The following CLVS1 variants were observed in gnomAD, a reference collection of about 807,000 sequenced individuals.
The protein encoded by CLVS1 is clavesin-1.
Under a neutral mutation model 33.1 loss-of-function variants are expected in CLVS1, and 10 were observed. The observed-to-expected ratio is 0.30, with a 90% CI of 0.19 to 0.51. The LOEUF (loss-of-function observed/expected upper bound fraction) is 0.51, where lower values mean the gene tolerates loss of function less well. Among genes scored for constraint, CLVS1 ranks in the 20% least tolerant of loss-of-function variants. CLVS1 has a pLI of 0.97. For missense variants in CLVS1, 343 were observed against 433.4 expected (o/e 0.79, Z 1.85); for synonymous variants, 163 against 166.1 (o/e 0.98, Z 0.14).
Position 61,431,401 on chromosome 8 carries a change from C to G in CLVS1, c.631-22740C>G, listed in dbSNP as rs1041058785. On this transcript the variant is annotated intron_variant, in intron 3 of 5. Transcript: ENST00000325897. ...TGTATGAAGTGTTTAACCTGGAATT[C>G]TTTTTTGTATGTGGAAACCCTTCAG... 2.0e-4 allele frequency among the ~76,000 whole-genome samples: 30 copies of G among 152,190 alleles called. 1 individual carries two copies.
intron 2 of CLVS1, among the ~76,000 whole-genome samples, chr8:61,277,567 T>A (rs1051261222): frequency 6.6e-6 from 1 of 152,166 alleles, no homozygotes; most frequent in African/African-American, 2.4e-5. Flanking sequence ...CTCCCATAAA[T>A]GTTAAAGCTA....
chr8:61,067,281 T>C (rs1804700266), intron 1 of CLVS1, among the ~76,000 whole-genome samples: 1 of 152,024 alleles, frequency 6.6e-6, no homozygotes, highest in Admixed American at 6.6e-5. Flanking sequence ...CTCTTCAGTC[T>C]CTGACGTAGT....
chr8:61,240,567 A>AAATTT (rs1808677171), intron 2 of CLVS1, among the ~76,000 whole-genome samples: 1 of 152,212 alleles, frequency 6.6e-6, no homozygotes, highest in Non-Finnish European at 1.5e-5. Flanking sequence ...AGTAAAGGCA[A>AAATTT]GATCTTTGTC....
chr8:61,280,235 T>C (rs778854368), intron 2 of CLVS1, among the ~76,000 whole-genome samples: 1 of 152,240 alleles, frequency 6.6e-6, no homozygotes, highest in Non-Finnish European at 1.5e-5. Context: ...TGATGAGTTA[T>C]TTTATCATAA....
intron 2 of CLVS1, among the ~76,000 whole-genome samples, chr8:61,361,703 C>T (rs1389912347): frequency 6.6e-6 from 1 of 152,154 alleles, no homozygotes; most frequent in African/African-American, 2.4e-5. Flanking sequence ...GTTTCTATCC[C>T]TACTTTCAGG....
At chr8:61,087,580 G>C (rs1805150233) in intron 1 of CLVS1, among the ~76,000 whole-genome samples, 1 of 152,142 alleles carries the variant, frequency 6.6e-6, no homozygotes, top group African/African-American at 2.4e-5. Flanking sequence ...TGACGTGCCT[G>C]GTGGGAGGAA....
intron 2 of CLVS1, among the ~76,000 whole-genome samples, chr8:61,208,664 C>G (rs1290239545): frequency 3.2e-5 from 3 of 92,964 alleles, no homozygotes; most frequent in Non-Finnish European, 5.4e-5. Flanking sequence ...TCTCAGCTCA[C>G]TGTAACCTCT....
intron 2 of CLVS1, among the ~76,000 whole-genome samples, chr8:61,159,813 A>G (rs561917062): frequency 2.0e-5 from 3 of 152,330 alleles, no homozygotes; most frequent in African/African-American, 7.2e-5. Flanking sequence ...AAAGAAAGTG[A>G]GCTACGTCCT....
the CLVS1 span, among the ~76,000 whole-genome samples, chr8:60,994,081 C>T: frequency 6.6e-6 from 1 of 152,158 alleles, no homozygotes; most frequent in Non-Finnish European, 1.5e-5. Context: ...AAATGTGTTT[C>T]TTCACAGTTT....
chr8:61,323,702 T>A (rs1811278069), intron 2 of CLVS1, among the ~76,000 whole-genome samples: 1 of 152,144 alleles, frequency 6.6e-6, no homozygotes, highest in South Asian at 2.1e-4. Context: ...GTAGCTTTGT[T>A]ACATAGGTAA....
chr8:61,389,232 A>G (rs1814204873), intron 3 of CLVS1, among the ~76,000 whole-genome samples: 1 of 152,228 alleles, frequency 6.6e-6, no homozygotes, highest in African/African-American at 2.4e-5. Context: ...CCACATTAGC[A>G]TATAGACAAT....
intron 1 of CLVS1, among the ~76,000 whole-genome samples, chr8:61,102,296 T>C (rs1188721737): frequency 2.6e-5 from 4 of 152,222 alleles, no homozygotes; most frequent in Non-Finnish European, 5.9e-5. Flanking sequence ...TTATAGTTTT[T>C]CACGGTATAA....
At chr8:61,448,711 CAA>C (rs35158301) in intron 3 of CLVS1, among the ~76,000 whole-genome samples, 1,502 of 139,584 alleles carry the variant, frequency 0.011, 29 homozygotes, top group African/African-American at 0.037. Context: ...CCCTCTCTCT[CAA>C]AAAAAAAAAA....
At chr8:61,001,115 C>T in the CLVS1 span, among the ~76,000 whole-genome samples, 1 of 152,158 alleles carries the variant, frequency 6.6e-6, no homozygotes, top group Non-Finnish European at 1.5e-5. Flanking sequence ...AATGACTCCC[C>T]TGTGGCGCCT....
chr8:61,319,701 A>G (rs181897651), intron 2 of CLVS1, among the ~76,000 whole-genome samples: 36 of 152,302 alleles, frequency 2.4e-4, no homozygotes, highest in African/African-American at 7.0e-4. Flanking sequence ...TTTTAAATGT[A>G]TATTTATTCC....
At chr8:61,156,418 G>T (rs1032454517) in intron 2 of CLVS1, among the ~76,000 whole-genome samples, 1 of 151,802 alleles carries the variant, frequency 6.6e-6, no homozygotes, top group Non-Finnish European at 1.5e-5. Context: ...TAATAAATTT[G>T]TATACCTTTT....
At chr8:61,059,569 G>C (rs1325638978) in intron 1 of CLVS1, among the ~76,000 whole-genome samples, 1 of 146,592 alleles carries the variant, frequency 6.8e-6, no homozygotes, top group Admixed American at 7.0e-5. Flanking sequence ...CCAGCACTTT[G>C]GGAGGCCAAG....
At chr8:61,462,022 G>A (rs1188855947) in intron 5 of CLVS1, among the ~76,000 whole-genome samples, 1 of 152,208 alleles carries the variant, frequency 6.6e-6, no homozygotes, top group East Asian at 1.9e-4. Flanking sequence ...CATGGGATTA[G>A]CGAGGAAATG....
At chr8:61,138,731 C>T (rs572868865) in intron 2 of CLVS1, among the ~76,000 whole-genome samples, 1 of 152,218 alleles carries the variant, frequency 6.6e-6, no homozygotes, top group African/African-American at 2.4e-5. Context: ...GGGAGAGCAG[C>T]AGGCTCCCAG....
Sources: gnomAD v4.1 joint callset for allele counts (sites outside exome capture counted in the v4.1 genomes callset) on GRCh38, gnomAD v4.1.1 for gene constraint, MANE v1.5 for transcripts, NCBI Gene and HGNC (gene_info 2026-07-23, HGNC 2026-07-21) for gene names.